Variants in BCL9L observed in about 807,000 individuals in gnomAD.
The protein encoded by BCL9L is B-cell CLL/lymphoma 9-like protein.
In BCL9L, 19 loss-of-function variants were observed where a neutral mutation model predicts 99.4. The observed-to-expected ratio is 0.19, with a 90% CI of 0.13 to 0.28. The LOEUF is 0.28. BCL9L is among the 10% of genes least tolerant of loss of function. The probability of loss-of-function intolerance (pLI) is 1.00; values close to 1 mark genes in which losing one functional copy is unlikely to be tolerated. For missense variants in BCL9L, 2,023 were observed against 2,101.6 expected, an observed-to-expected ratio of 0.96 and a Z score of 0.73; for synonymous variants, 900 against 854.8, an observed-to-expected ratio of 1.05 and a Z score of -0.92.
At chr11:118,924,765 C>T (rs1354764323) in intron 1 of BCL9L, among the ~76,000 whole-genome samples, 1 of 152,240 alleles carries the variant, frequency 6.6e-6, no homozygotes, top group Admixed American at 6.5e-5. Flanking sequence ...TCACAGCCCC[C>T]GCTACTCACA....
At chr11:118,916,287 C>A (rs972174666) in intron 2 of BCL9L, among the ~76,000 whole-genome samples, 1 of 152,196 alleles carries the variant, frequency 6.6e-6, no homozygotes. Context: ...GCCTCAGACC[C>A]AGGGGCCCTG....
At chr11:118,910,061 G>A (rs1940714402) in intron 2 of BCL9L, 46 bp from the exon 3 acceptor site, 1 of 1,366,918 alleles carries the variant, frequency 7.3e-7, no homozygotes, top group African/African-American at 1.4e-5. Flanking sequence ...TTGGGGAGGG[G>A]GTGTCAGAGG....
At chr11:118,904,556 T>C (rs1207553608) in intron 5 of BCL9L, among the ~76,000 whole-genome samples, 1 of 152,222 alleles carries the variant, frequency 6.6e-6, no homozygotes, top group Non-Finnish European at 1.5e-5. Context: ...TTTTGTTCCA[T>C]GGTTAGACAC....
In BCL9L at chr11:118,897,736, G is replaced by T. The variant is rs1000670131; in HGVS notation, c.*679C>A. The T allele has an allele frequency of 2.2e-5, 10 of 448,790 alleles. No individual in the cohort carries two copies. The highest frequency in any genetic ancestry group is 1.1e-4 in the South Asian group (7 of 63,698). 27.8% of individuals were successfully genotyped at this position (448,790 alleles called of 1,614,324 possible). On this transcript the variant is annotated 3_prime_UTR_variant, in exon 10 of 10. Transcript: ENST00000683865. ...TGGAGGGAGCAATAACTTGAAGAAG[G>T]GGGGAAGGGTTTCTTTTATCCTTTT...
Position 118,898,814 on chromosome 11 carries a change from C to T in BCL9L, c.4101G>A (p.Ala1367=), listed in dbSNP as rs770546395. The change falls in exon 10 of 10, where the codon GCG becomes GCA. Residue 1367 remains alanine (A), a synonymous_variant. Transcript: ENST00000683865. ...TGGGAGGCCGAGAGGGAGTCTGCTC[C>T]GCCATCATGTTCTGCAGGTTCATGA... ...LHLMNLQNMM[A]EQTPSRPPNL... The T allele has an allele frequency of 3.8e-5, 61 of 1,613,880 alleles. No individual in the cohort carries two copies. The highest frequency in any genetic ancestry group is 1.6e-4 in the Middle Eastern group (1 of 6,082).
intron 3 of BCL9L, among the ~76,000 whole-genome samples, chr11:118,909,406 T>C (rs1202740174): frequency 6.6e-6 from 1 of 152,060 alleles, no homozygotes; most frequent in African/African-American, 2.4e-5. Flanking sequence ...GCTGGAAAGA[T>C]CACATCACGG....
In BCL9L at chr11:118,903,063, G is replaced by T; in HGVS notation, c.761C>A (p.Ala254Glu). ...TTHLANTAAE[A>E]VLQGRADSIL... ...GGAGTCGGCCCGGCCCTGCAGCACT[G>T]CCTCTGCAGCCCTGCACAGAGTGGG... Residue 254 changes from alanine (A) to glutamate (E), a missense_variant, in exon 7 of 10, where the codon GCA becomes GAA. By Grantham distance (107) the Ala-to-Glu change is moderately radical. This residue lies in a region of BCL9L where 1,116 missense variants were observed against 1,194.6 expected (regional missense o/e 0.93). Coordinates refer to ENST00000683865, the MANE Select transcript of BCL9L (RefSeq NM_001378213.1). The surrounding 1 kb of genome is among the most constrained non-coding windows in gnomAD (Gnocchi z 5.6). The T allele has an allele frequency of 6.3e-7, 1 of 1,581,874 alleles. No homozygotes were observed. Among genetic ancestry groups the T allele is most frequent in the Non-Finnish European group, 8.6e-7 (1 of 1,168,834 alleles).
At position 118,906,712 on chromosome 11, in the gene BCL9L, G is replaced by A. The variant is rs191585708; in HGVS notation, c.532+771C>T. Among the ~76,000 whole-genome samples, 537 of 151,574 alleles carry A rather than the reference G, an allele frequency of 3.5e-3. 12 individuals are homozygous for A. The highest frequency in any genetic ancestry group is 2.0e-3 in the Non-Finnish European group (138 of 67,912). Reference sequence around the variant, plus strand: ...CTCTCTCTCTCTCTTTTTAGAGATGGGGTCTCCCTATGTTGGCCAGGCTGT... The same window carrying A: ...CTCTCTCTCTCTCTTTTTAGAGATGAGGTCTCCCTATGTTGGCCAGGCTGT... On this transcript the variant is annotated intron_variant, in intron 5 of 9. Coordinates refer to ENST00000683865, the MANE Select transcript of BCL9L (RefSeq NM_001378213.1).
Position 118,901,723 on chromosome 11 carries a change from C to T in BCL9L, c.2020G>A (p.Val674Ile). 6.2e-7 allele frequency: 1 copy of T among 1,613,476 alleles called. No individual in the cohort carries two copies. The highest frequency in any genetic ancestry group is 8.5e-7 in the Non-Finnish European group (1 of 1,179,794). Reference protein sequence around the residue: ...GEAERFMTPRVREELLRHQLL... With the variant: ...GEAERFMTPRIREELLRHQLL... Reference sequence around the variant, plus strand: ...TGGTGCCGCAGCAGCTCCTCACGGACCCGGGGAGTCATGAATCGCTCCGCC... The same window carrying T: ...TGGTGCCGCAGCAGCTCCTCACGGATCCGGGGAGTCATGAATCGCTCCGCC... Residue 674 changes from valine to isoleucine, a missense_variant, in exon 8 of 10, where the codon GTC becomes ATC. By Grantham distance (29) the Val-to-Ile change is conservative (BLOSUM62 3). This residue lies in a region of BCL9L where 1,116 missense variants were observed against 1,194.6 expected (regional missense o/e 0.93). Transcript: ENST00000683865. This position sits in a 1 kb window ranked among gnomAD's most constrained non-coding sequence, Gnocchi z 6.6.
In BCL9L at chr11:118,903,584, T is replaced by C. The variant is rs928870539; in HGVS notation, c.533-132A>G. 3.0e-6 allele frequency: 3 copies of C among 1,015,626 alleles called. No homozygotes were observed. The highest frequency in any genetic ancestry group is 4.5e-6 in the Non-Finnish European group (3 of 670,386). The allele number at this position is 1,015,626 out of a possible 1,614,324, so 62.9% of individuals were successfully genotyped here. ...GGACATTTGATGTCAGTATCTGGTG[T>C]TCTCACCAGGCTGGTTTCCACGATG... is the stretch of plus-strand genomic sequence containing the variant. On this transcript the variant is annotated intron_variant, in intron 5 of 9. Transcript: ENST00000683865. The surrounding 1 kb of genome is among the most constrained non-coding windows in gnomAD (Gnocchi z 5.6).
chr11:118,923,689 C>T (rs1325804258), intron 1 of BCL9L, among the ~76,000 whole-genome samples: 1 of 152,192 alleles, frequency 6.6e-6, no homozygotes, highest in African/African-American at 2.4e-5. Context: ...ACCCTTCCTG[C>T]TGTGAACCAT....
intron 2 of BCL9L, among the ~76,000 whole-genome samples, chr11:118,911,902 A>G (rs1940808951): frequency 6.6e-6 from 1 of 152,250 alleles, no homozygotes; most frequent in Non-Finnish European, 1.5e-5. Flanking sequence ...CACAGCCTCA[A>G]AAATTGAGAA....
rs1334133921 is a variant in BCL9L at position 118,901,734 on chromosome 11, A to G, written c.2009T>C (p.Met670Thr). The change falls in exon 8 of 10, where the codon ATG (methionine) becomes ACG (threonine). Residue 670 changes from methionine to threonine, a missense_variant. Met to Thr is a moderately conservative substitution (Grantham distance 81). Coordinates refer to ENST00000683865, the MANE Select transcript of BCL9L (RefSeq NM_001378213.1). This position sits in a 1 kb window ranked among gnomAD's most constrained non-coding sequence, Gnocchi z 6.6. ...CAGCTCCTCACGGACCCGGGGAGTCATGAATCGCTCCGCCTCACCCTGCCC... is the reference window on the plus strand; with the variant it reads ...CAGCTCCTCACGGACCCGGGGAGTCGTGAATCGCTCCGCCTCACCCTGCCC... Reference protein sequence around the residue: ...PGGQGEAERFMTPRVREELLR... With the variant: ...PGGQGEAERFTTPRVREELLR... 1 of 1,613,376 alleles carries G rather than the reference A, an allele frequency of 6.2e-7. No homozygotes were observed. Among genetic ancestry groups the G allele is most frequent in the Non-Finnish European group, 8.5e-7 (1 of 1,179,660 alleles).
In BCL9L at chr11:118,921,339, C is replaced by A. The variant is rs1030367958; in HGVS notation, c.-130-2460G>T. 6.6e-6 allele frequency among the ~76,000 whole-genome samples: 1 copy of A among 152,120 alleles called. No individual in the cohort carries two copies. Among genetic ancestry groups the A allele is most frequent in the East Asian group, 1.9e-4 (1 of 5,200 alleles). ...ACACAAACTCAGACACACAAACTTG[C>A]AGCGCAGAGTGTGTGAAGTCGGATT... On this transcript the variant is annotated intron_variant, in intron 1 of 9. Transcript: ENST00000683865. This position sits in a 1 kb window ranked among gnomAD's most constrained non-coding sequence, Gnocchi z 5.4.
Position 118,898,497 on chromosome 11 carries a change from G to A in BCL9L, c.4418C>T (p.Pro1473Leu), listed in dbSNP as rs772112780. ...CAGGGACACACTGCGCTGCCGAAGG[G>A]GGTGGGACACCATGAGGTTCTGCTG... is the stretch of plus-strand genomic sequence containing the variant. ...PPQQNLMVSH[P>L]LRQRSVSLDS... is the part of the protein sequence containing the mutation. Residue 1473 changes from proline (P) to leucine (L), a missense_variant, in exon 10 of 10, where the codon CCC becomes CTC. Pro to Leu is a moderately conservative substitution (Grantham distance 98). Transcript: ENST00000683865. The A allele has an allele frequency of 2.3e-5, 37 of 1,603,288 alleles. No individual in the cohort carries two copies. The East Asian group carries it at 7.2e-4, about 31-fold the overall frequency.
At position 118,898,309 on chromosome 11, in the gene BCL9L, C is replaced by CCCCCCCCCCCCCCG; in HGVS notation, c.*105_*106insCGGGGGGGGGGGGG. ...CCCTACACAAGCCCCCTCCCACCCC[C>CCCCCCCCCCCCCCG]TCCACCCCACCCCGCGACCCAGGCC... On this transcript the variant is annotated 3_prime_UTR_variant, in exon 10 of 10. Coordinates refer to ENST00000683865, the MANE Select transcript of BCL9L (RefSeq NM_001378213.1). The CCCCCCCCCCCCCCG allele has an allele frequency of 1.6e-6, 1 of 635,098 alleles. No individual in the cohort carries two copies. Among genetic ancestry groups the CCCCCCCCCCCCCCG allele is most frequent in the Non-Finnish European group, 2.4e-6 (1 of 414,506 alleles). 39.3% of individuals were successfully genotyped at this position (635,098 alleles called of 1,614,324 possible).
intron 2 of BCL9L, chr11:118,910,608 C>T (rs1029768628): frequency 1.3e-5 from 2 of 152,656 alleles, no homozygotes; most frequent in Non-Finnish European, 2.9e-5. Flanking sequence ...CCCCTCCCCC[C>T]GCCCTGCACC....
Position 118,900,560 on chromosome 11 carries a change from G to A in BCL9L, c.3124+59C>T, listed in dbSNP as rs1212221942. On this transcript the variant is annotated intron_variant, in intron 8 of 9. Transcript: ENST00000683865. This position sits in a 1 kb window ranked among gnomAD's most constrained non-coding sequence, Gnocchi z 5.3. ...CTCACTCACTGCCCAGCCCCAGCAT[G>A]GACACACTGCTCAGCGCCTGCCTGC... The A allele has an allele frequency of 1.3e-6, 2 of 1,543,784 alleles. No homozygotes were observed. The highest frequency in any genetic ancestry group is 1.7e-6 in the Non-Finnish European group (2 of 1,148,342).
Position 118,902,027 on chromosome 11 carries a change from C to T in BCL9L, c.1716G>A (p.Trp572Ter). ...GCAGCTGCGCACCCATTCCAGGTGGCCACTGATCCCCAGGCTTGCTGTGGT... is the reference window on the plus strand; with the variant it reads ...GCAGCTGCGCACCCATTCCAGGTGGTCACTGATCCCCAGGCTTGCTGTGGT... Reference protein sequence around the residue: ...PPYHSKPGDQWPPGMGAQLRG... With the variant: ...PPYHSKPGDQ The change falls in exon 8 of 10, where the codon TGG becomes TGA. Residue 572 changes from tryptophan (W) to a stop codon, truncating the protein, a stop_gained. Coordinates refer to ENST00000683865, the MANE Select transcript of BCL9L (RefSeq NM_001378213.1). LOFTEE classifies it high-confidence loss of function. This position sits in a 1 kb window ranked among gnomAD's most constrained non-coding sequence, Gnocchi z 7.8. The T allele has an allele frequency of 6.2e-7, 1 of 1,613,882 alleles. No homozygotes were observed.
Sources: allele counts gnomAD v4.1 joint callset (sites outside exome capture counted in the v4.1 genomes callset), GRCh38; gene constraint gnomAD v4.1.1; regional missense constraint gnomAD v4.1.1; non-coding constraint Gnocchi (gnomAD v3.1); transcripts MANE v1.5; gene names NCBI Gene and HGNC (gene_info 2026-07-23, HGNC 2026-07-21).